The following GPBP1 variants were observed in gnomAD, a reference collection of about 807,000 sequenced individuals.
The protein encoded by GPBP1 is GC-rich promoter binding protein 1, also known as vasculin.
In GPBP1, 13 loss-of-function variants were observed where a neutral mutation model predicts 56.5. That is an observed-to-expected ratio of 0.23 (90% CI 0.15 to 0.37). The LOEUF (loss-of-function observed/expected upper bound fraction) is 0.37. Among genes scored for constraint, GPBP1 ranks in the 10% least tolerant of loss-of-function variants. The probability of loss-of-function intolerance (pLI) is 1.00; values close to 1 mark genes in which losing one functional copy is unlikely to be tolerated. For missense variants in GPBP1, 477 were observed against 572.3 expected (o/e 0.83, Z 1.70); for synonymous variants, 204 against 188.9 (o/e 1.08, Z -0.66).
intron 2 of GPBP1, among the ~76,000 whole-genome samples, chr5:57,183,356 A>G (rs1057304404): frequency 2.0e-5 from 3 of 152,170 alleles, no homozygotes; most frequent in African/African-American, 7.2e-5. Flanking sequence ...GACAAGAGTA[A>G]AAACTCTGTC....
At chr5:57,178,030 G>A (rs936107992) in intron 2 of GPBP1, among the ~76,000 whole-genome samples, 2 of 152,038 alleles carry the variant, frequency 1.3e-5, no homozygotes, top group African/African-American at 4.8e-5. Flanking sequence ...TTCTCTGTCA[G>A]ACCTGTGTGT....
intron 6 of GPBP1, among the ~76,000 whole-genome samples, chr5:57,236,255 A>C (rs76842559): frequency 1.3e-5 from 2 of 152,198 alleles, no homozygotes; most frequent in Non-Finnish European, 1.5e-5. Context: ...AGTATCATTA[A>C]ACATACTCAA....
At chr5:57,251,354 A>C (rs534211014) in intron 10 of GPBP1, among the ~76,000 whole-genome samples, 1 of 152,264 alleles carries the variant, frequency 6.6e-6, no homozygotes, top group Non-Finnish European at 1.5e-5. Flanking sequence ...GGCAGCTACT[A>C]TTCTTTCTAT....
chr5:57,227,218 A>G (rs1297297636), intron 3 of GPBP1, among the ~76,000 whole-genome samples: 1 of 151,938 alleles, frequency 6.6e-6, no homozygotes, highest in African/African-American at 2.4e-5. Flanking sequence ...ATACCCAGCT[A>G]ATTTTTGTAC....
At chr5:57,197,480 C>CCCAAGTAGCTGGGATTA (rs59844776) in intron 2 of GPBP1, among the ~76,000 whole-genome samples, 4,716 of 150,956 alleles carry the variant, frequency 0.031, 262 homozygotes, top group African/African-American at 0.11. Flanking sequence ...GCCTCAGCCT[C>CCCAAGTAGCTGGGATTA]CCAAGTAGCT....
At chr5:57,250,630 C>T (rs1741339183) in intron 9 of GPBP1, among the ~76,000 whole-genome samples, 1 of 151,482 alleles carries the variant, frequency 6.6e-6, no homozygotes, top group African/African-American at 2.4e-5. Flanking sequence ...GCAACCTCCA[C>T]CTCCTAGGTT....
chr5:57,221,505 G>A, intron 3 of GPBP1: 1 of 688,078 alleles, frequency 1.5e-6, no homozygotes, highest in Non-Finnish European at 2.5e-6. Flanking sequence ...TAAACAGGAT[G>A]CTGTATCTTC....
At chr5:57,197,908 GAGTT>G (rs1754837473) in intron 2 of GPBP1, among the ~76,000 whole-genome samples, 4 of 152,136 alleles carry the variant, frequency 2.6e-5, no homozygotes, top group African/African-American at 9.6e-5. Flanking sequence ...AGTTGTTTGA[GAGTT>G]AGGTGTATGT....
intron 3 of GPBP1, among the ~76,000 whole-genome samples, chr5:57,226,270 C>CA (rs1178360706): frequency 6.6e-6 from 1 of 152,168 alleles, no homozygotes; most frequent in Non-Finnish European, 1.5e-5. Flanking sequence ...CATATCCTGG[C>CA]AAAATTACTT....
chr5:57,217,774 A>C (rs888016245), intron 3 of GPBP1, among the ~76,000 whole-genome samples: 3 of 148,754 alleles, frequency 2.0e-5, no homozygotes, highest in African/African-American at 7.5e-5. Context: ...TCCCAGTACT[A>C]TGGGAGGCTG....
chr5:57,222,561 C>T (rs765936405), intron 3 of GPBP1, among the ~76,000 whole-genome samples: 1 of 151,802 alleles, frequency 6.6e-6, no homozygotes, highest in Non-Finnish European at 1.5e-5. Flanking sequence ...TAGTATCTTT[C>T]TATAGTCAGT....
At chr5:57,226,321 G>A (rs1017443084) in intron 3 of GPBP1, among the ~76,000 whole-genome samples, 1 of 152,096 alleles carries the variant, frequency 6.6e-6, no homozygotes, top group African/African-American at 2.4e-5. Flanking sequence ...CTCCTTCCAG[G>A]GTTTATTCAG....
chr5:57,229,725 G>C (rs1353771517), intron 3 of GPBP1, among the ~76,000 whole-genome samples: 1 of 151,200 alleles, frequency 6.6e-6, no homozygotes, highest in African/African-American at 2.4e-5. Context: ...GTAGAGATGG[G>C]GTTTCACTGT....
At chr5:57,246,651 G>T (rs1741104235) in intron 7 of GPBP1, among the ~76,000 whole-genome samples, 167 bp downstream of exon 7, 1 of 152,028 alleles carries the variant, frequency 6.6e-6, no homozygotes, top group South Asian at 2.1e-4. Context: ...CTTTGATGTG[G>T]TGTGTGCGTG....
intron 3 of GPBP1, among the ~76,000 whole-genome samples, chr5:57,215,046 CAG>C (rs966185535): frequency 6.6e-5 from 10 of 152,312 alleles, no homozygotes; most frequent in Middle Eastern, 3.4e-3. Context: ...TTGTAGTAAT[CAG>C]AGTTTCACAA....
At chr5:57,205,652 T>A (rs1447674674) in intron 2 of GPBP1, among the ~76,000 whole-genome samples, 1 of 152,088 alleles carries the variant, frequency 6.6e-6, no homozygotes, top group Non-Finnish European at 1.5e-5. Flanking sequence ...ATTGTGGTTT[T>A]GATTTGCATT....
chr5:57,239,530 C>T (rs1461692201), intron 6 of GPBP1, among the ~76,000 whole-genome samples: 1 of 152,168 alleles, frequency 6.6e-6, no homozygotes, highest in African/African-American at 2.4e-5. Context: ...CCTGTAATCC[C>T]AGCACTCTGG....
At chr5:57,255,191 CTCTT>C (rs1429582728) in intron 10 of GPBP1, among the ~76,000 whole-genome samples, 5 of 149,332 alleles carry the variant, frequency 3.3e-5, no homozygotes, top group Admixed American at 3.3e-4. Flanking sequence ...CGTCCTCTCT[CTCTT>C]CTCTCCCCTT....
At chr5:57,185,653 A>G (rs1001340781) in intron 2 of GPBP1, among the ~76,000 whole-genome samples, 2 of 152,028 alleles carry the variant, frequency 1.3e-5, no homozygotes. Context: ...TAATGATAGC[A>G]TCTTTCCGTG....
Sources: gnomAD v4.1 joint callset for allele counts (sites outside exome capture counted in the v4.1 genomes callset) on GRCh38, gnomAD v4.1.1 for gene constraint, MANE v1.5 for transcripts, NCBI Gene and HGNC (gene_info 2026-07-23, HGNC 2026-07-21) for gene names.